TMEM132B: variants seen among roughly 807,000 people sequenced by gnomAD.
The protein encoded by TMEM132B is transmembrane protein 132B.
In TMEM132B, 18 loss-of-function variants were observed where a neutral mutation model predicts 90.8. That is an observed-to-expected ratio of 0.20 (90% CI 0.14 to 0.29). The LOEUF (loss-of-function observed/expected upper bound fraction) is 0.29, where lower values mean the gene tolerates loss of function less well. Among genes scored for constraint, TMEM132B ranks in the 10% least tolerant of loss-of-function variants. The probability of loss-of-function intolerance (pLI) is 1.00; values close to 1 mark genes in which losing one functional copy is unlikely to be tolerated. For synonymous variants in TMEM132B, 504 were observed against 523.3 expected, an observed-to-expected ratio of 0.96 and a Z score of 0.50; for missense variants, 1,096 against 1,326.8, an observed-to-expected ratio of 0.83 and a Z score of 2.70.
At chr12:125,243,013 A>ATATATG (rs1291523266) in intron 1 of TMEM132B, among the ~76,000 whole-genome samples, 2 of 138,066 alleles carry the variant, frequency 1.4e-5, no homozygotes, top group East Asian at 4.1e-4. Context: ...CTTTCTTCAT[A>ATATATG]TATATATATA....
intron 7 of TMEM132B, 124 bp from the exon 8 acceptor site, chr12:125,652,317 C>T (rs3825381): frequency 0.26 from 215,977 of 834,724 alleles, 30,520 homozygotes; most frequent in African/African-American, 0.46. Context: ...CTTCCCTAAC[C>T]GATTCCCACA....
At position 125,658,800 on chromosome 12, in the gene TMEM132B, G is replaced by T. The variant is rs1043607; in HGVS notation, c.*4090G>T. 3 of 151,966 alleles carry T rather than the reference G, an allele frequency of 2.0e-5. No homozygotes were observed. The highest frequency in any genetic ancestry group is 7.3e-5 in the African/African-American group (3 of 41,344). The allele number at this position is 151,966 out of a possible 1,614,324, so 9.4% of individuals were successfully genotyped here. A position where few individuals can be genotyped will look rare whatever the true frequency, so the allele number is the denominator to read the frequency against. On this transcript the variant is annotated 3_prime_UTR_variant, in exon 9 of 9. Transcript: ENST00000682704. ...TAGTGGGAAAAACATTTGAGACCTA[G>T]TAACATCATGAAATGCACTGAATTT...
chr12:125,503,960 T>C (rs1882764945), intron 3 of TMEM132B, among the ~76,000 whole-genome samples: 1 of 152,230 alleles, frequency 6.6e-6, no homozygotes, highest in Non-Finnish European at 1.5e-5. Context: ...GCTTAAGAGC[T>C]AATTTCTTTA....
At chr12:125,280,396 T>G (rs995858830) in intron 1 of TMEM132B, among the ~76,000 whole-genome samples, 5 of 152,252 alleles carry the variant, frequency 3.3e-5, no homozygotes, top group African/African-American at 1.2e-4. Context: ...AAAAAGAGGC[T>G]AACTTAATTG....
At chr12:125,477,852 A>G (rs1035457856) in intron 3 of TMEM132B, among the ~76,000 whole-genome samples, 8 of 152,086 alleles carry the variant, frequency 5.3e-5, no homozygotes, top group Admixed American at 5.2e-4. Flanking sequence ...GCCAACTGAC[A>G]CCTCATACAG....
At chr12:125,275,380 T>C (rs933269677) in intron 1 of TMEM132B, among the ~76,000 whole-genome samples, 2 of 152,224 alleles carry the variant, frequency 1.3e-5, no homozygotes, top group African/African-American at 4.8e-5. Context: ...AGGAAGTTAT[T>C]GGTAGCACCC....
At chr12:125,243,010 C>CATATAT (rs763167605) in intron 1 of TMEM132B, among the ~76,000 whole-genome samples, 18,141 of 108,188 alleles carry the variant, frequency 0.17, 1,673 homozygotes, top group East Asian at 0.28. Flanking sequence ...TCTCTTTCTT[C>CATATAT]ATATATATAT....
chr12:125,486,805 A>G (rs755023713), intron 3 of TMEM132B, among the ~76,000 whole-genome samples: 5 of 152,136 alleles, frequency 3.3e-5, no homozygotes, highest in Non-Finnish European at 5.9e-5. Flanking sequence ...TAATATCTTC[A>G]TTGGATTTAA....
At chr12:125,319,696 A>G (rs1876375481) in intron 1 of TMEM132B, among the ~76,000 whole-genome samples, 1 of 152,162 alleles carries the variant, frequency 6.6e-6, no homozygotes, top group Non-Finnish European at 1.5e-5. Context: ...GAAGGGTTCA[A>G]TTATCACATA....
chr12:125,196,723 A>G (rs1484085878), intron 1 of TMEM132B, among the ~76,000 whole-genome samples: 2 of 152,168 alleles, frequency 1.3e-5, no homozygotes, highest in East Asian at 3.8e-4. Flanking sequence ...GAAACAAAAC[A>G]TCATTAAGGA....
At chr12:125,541,947 C>T (rs1883968335) in intron 4 of TMEM132B, among the ~76,000 whole-genome samples, 1 of 150,496 alleles carries the variant, frequency 6.6e-6, no homozygotes, top group Non-Finnish European at 1.5e-5. Flanking sequence ...ATGGCGTGAA[C>T]CCGGTAGGCG....
At chr12:125,258,513 T>C (rs1874489678) in intron 1 of TMEM132B, among the ~76,000 whole-genome samples, 1 of 152,148 alleles carries the variant, frequency 6.6e-6, no homozygotes, top group Non-Finnish European at 1.5e-5. Flanking sequence ...TGTGATTGGG[T>C]TTCCTTACAA....
At chr12:125,221,591 AG>A (rs1247505845) in intron 1 of TMEM132B, among the ~76,000 whole-genome samples, 1 of 152,272 alleles carries the variant, frequency 6.6e-6, no homozygotes, top group Non-Finnish European at 1.5e-5. Flanking sequence ...GGCAGGTCGT[AG>A]GAACATTTCA....
chr12:125,480,521 A>C (rs1176542524), intron 3 of TMEM132B, among the ~76,000 whole-genome samples: 1 of 152,234 alleles, frequency 6.6e-6, no homozygotes, highest in Non-Finnish European at 1.5e-5. Context: ...GAAATGGATA[A>C]ATTCCGGGCC....
In TMEM132B at chr12:125,334,963, G is replaced by A. The variant is rs138147416; in HGVS notation, c.68-14489G>A. On this transcript the variant is annotated intron_variant, in intron 1 of 8. Transcript: ENST00000682704. ...TGCACAGTTTGCGTGACATAAAGCC[G>A]GCCCTCAGTCTACTTCTGTTTTGTC... 8.2e-4 allele frequency among the ~76,000 whole-genome samples: 125 copies of A among 152,316 alleles called. 1 individual carries two copies. The highest frequency in any genetic ancestry group is 2.9e-3 in the African/African-American group (121 of 41,584).
At chr12:125,429,908 A>G (rs1441619947) in intron 3 of TMEM132B, among the ~76,000 whole-genome samples, 1 of 152,196 alleles carries the variant, frequency 6.6e-6, no homozygotes. Flanking sequence ...AGGAGGGCAC[A>G]GTGCGTGCAG....
chr12:125,292,884 G>A (rs1363801282), intron 1 of TMEM132B, among the ~76,000 whole-genome samples: 1 of 152,242 alleles, frequency 6.6e-6, no homozygotes, highest in Non-Finnish European at 1.5e-5. Context: ...TGATTGGCCA[G>A]GTCAGGGTCA....
At chr12:125,497,866 G>T (rs958419976) in intron 3 of TMEM132B, among the ~76,000 whole-genome samples, 1 of 152,206 alleles carries the variant, frequency 6.6e-6, no homozygotes, top group African/African-American at 2.4e-5. Context: ...CCGGTGGCTA[G>T]CAGGAACATG....
intron 5 of TMEM132B, among the ~76,000 whole-genome samples, chr12:125,619,796 G>A (rs1886078074): frequency 6.6e-6 from 1 of 152,160 alleles, no homozygotes; most frequent in African/African-American, 2.4e-5. Flanking sequence ...TTAGAATATT[G>A]TAAGCATTGC....
Sources: allele counts gnomAD v4.1 joint callset (sites outside exome capture counted in the v4.1 genomes callset), GRCh38; gene constraint gnomAD v4.1.1; transcripts MANE v1.5; gene names NCBI Gene and HGNC (gene_info 2026-07-23, HGNC 2026-07-21).